Variants in BCAT2 observed in about 807,000 individuals in gnomAD.
The protein encoded by BCAT2 is branched chain amino acid transaminase 2, also known as branched-chain-amino-acid aminotransferase, mitochondrial.
In BCAT2, 44 loss-of-function variants were observed where a neutral mutation model predicts 52.9. The ratio of observed to expected loss-of-function variants is 0.83; its 90% CI spans 0.65 to 1.07. BCAT2 has a LOEUF of 1.07. Among genes scored for constraint, BCAT2 ranks in the 50% least tolerant of loss-of-function variants. The pLI, the probability that BCAT2 is intolerant of heterozygous loss-of-function variation, is 0.00. For missense variants in BCAT2, 478 were observed against 521.8 expected (o/e 0.92, Z 0.82); for synonymous variants, 215 against 217.1 (o/e 0.99, Z 0.08).
In BCAT2 at chr19:48,796,429, TG is replaced by T; in HGVS notation, c.1138del (p.Gln380SerfsTer38). On this transcript the variant is annotated frameshift_variant and splice_region_variant, in exon 10 of 11. Transcript: ENST00000316273. LOFTEE classifies it high-confidence loss of function. Reference sequence around the variant, plus strand: ...ATTCCCCAGCTCCCTGCAGCTCACCTGGATCTCCTTCAGCTCCTTCTGGAAG... The same window carrying T: ...ATTCCCCAGCTCCCTGCAGCTCACCTGATCTCCTTCAGCTCCTTCTGGAAG... ...LRFQKELKEI[Q>X]YGIRAHEWMF... 4 of 1,614,140 alleles carry T rather than the reference TG, an allele frequency of 2.5e-6. No homozygotes were observed. Among genetic ancestry groups the T allele is most frequent in the Non-Finnish European group, 3.4e-6 (4 of 1,180,004 alleles).
intron 2 of BCAT2, 40 bp from the exon 3 acceptor site, chr19:48,806,757 C>T: frequency 2.5e-6 from 4 of 1,604,404 alleles, no homozygotes; most frequent in Non-Finnish European, 3.4e-6. Context: ...TGGCCACAAC[C>T]TCCCAGCTGA....
intron 10 of BCAT2, 55 bp downstream of exon 10, chr19:48,796,373 C>T: frequency 6.2e-7 from 1 of 1,608,274 alleles, no homozygotes; most frequent in South Asian, 1.1e-5. Context: ...TCATGGGACA[C>T]CAACTTCTCC....
Position 48,795,351 on chromosome 19 carries a change from A to AGTCATTG in BCAT2, c.*68_*74dup, listed in dbSNP as rs2034478462. The AGTCATTG allele has an allele frequency of 6.3e-7, 1 of 1,588,046 alleles. No individual in the cohort carries two copies. The highest frequency in any genetic ancestry group is 1.3e-5 in the African/African-American group (1 of 74,276). ...TTTATTTCGTATTGCACTTCAGGTG[A>AGTCATTG]GTCATTGGTAGGGAGGCGAGTGCTG... is the stretch of plus-strand genomic sequence containing the variant. On this transcript the variant is annotated 3_prime_UTR_variant, in exon 11 of 11. Coordinates refer to ENST00000316273, the MANE Select transcript of BCAT2 (RefSeq NM_001190.4).
intron 3 of BCAT2, among the ~76,000 whole-genome samples, 181 bp downstream of exon 3, chr19:48,806,336 G>A (rs1233478800): frequency 1.3e-5 from 2 of 151,670 alleles, no homozygotes. Context: ...TGCTCATCTC[G>A]GGGAACCCAG....
Position 48,800,046 on chromosome 19 carries a change from T to C in BCAT2, c.466A>G (p.Lys156Glu), listed in dbSNP as rs753034699. The C allele has an allele frequency of 3.1e-6, 5 of 1,613,854 alleles. No individual in the cohort carries two copies. The highest frequency in any genetic ancestry group is 1.7e-5 in the Admixed American group (1 of 60,006). The part of the protein sequence containing the change: ...ECIRRLIEVD[K>E]DWVPDAAGTS... ...CCGGCGGCATCGGGGACCCAGTCCT[T>C]GTCCACTTCGATGAGCCGGCGGATG... Residue 156 changes from lysine to glutamate, a missense_variant, in exon 5 of 11, where the codon AAG (lysine) becomes GAG (glutamate). By Grantham distance (56) the Lys-to-Glu change is moderately conservative. Transcript: ENST00000316273.
At position 48,797,331 on chromosome 19, in the gene BCAT2, T is replaced by C; in HGVS notation, c.698A>G (p.Asn233Ser). The change falls in exon 7 of 11, where the codon AAT (asparagine) becomes AGT (serine). Residue 233 changes from asparagine to serine, a missense_variant and splice_region_variant. Coordinates refer to ENST00000316273, the MANE Select transcript of BCAT2 (RefSeq NM_001190.4). ...TTGCACTAACACGGTGGGCCCATAA[T>C]TCCTGGTGGAGGGCAGTCTGGTTGG... is the stretch of plus-strand genomic sequence containing the variant. ...GGVGNYKLGGNYGPTVLVQQE... is the reference protein window; with the variant it reads ...GGVGNYKLGGSYGPTVLVQQE... 1 of 1,614,034 alleles carries C rather than the reference T, an allele frequency of 6.2e-7. No homozygotes were observed. Among genetic ancestry groups the C allele is most frequent in the East Asian group, 2.2e-5 (1 of 44,860 alleles).
chr19:48,798,791 A>ATT (rs34719140), intron 6 of BCAT2: 20,747 of 132,674 alleles, frequency 0.16, 1,837 homozygotes, highest in East Asian at 0.17. Flanking sequence ...AGCCCGGCTA[A>ATT]TTTTTTTTTT....
In BCAT2 at chr19:48,797,006, C is replaced by A. The variant is rs781496167; in HGVS notation, c.855G>T (p.Thr285=). Residue 285 remains threonine (T), a synonymous_variant, in exon 8 of 11, where the codon ACG becomes ACT. Transcript: ENST00000316273. The part of the protein sequence containing the change: ...THEDGVLELV[T]PPLNGVILPG... ...GCAGGATAACACCATTCAGCGGGGG[C>A]GTCACCAGCTCCAGCACTAGGGCAG... 3.1e-6 allele frequency: 5 copies of A among 1,614,024 alleles called. No individual in the cohort carries two copies. The highest frequency in any genetic ancestry group is 3.3e-5 in the Admixed American group (2 of 60,002).
At chr19:48,810,464 G>A (rs2034894235) in intron 1 of BCAT2, among the ~76,000 whole-genome samples, 1 of 152,160 alleles carries the variant, frequency 6.6e-6, no homozygotes, top group Admixed American at 6.5e-5. Flanking sequence ...CAGGTGCAAA[G>A]CTTCAGATAG....
intron 10 of BCAT2, chr19:48,795,768 A>G: frequency 2.2e-6 from 1 of 447,144 alleles, no homozygotes; most frequent in Non-Finnish European, 4.0e-6. Context: ...CTAGGTCCTG[A>G]TGCACAAAAG....
intron 10 of BCAT2, chr19:48,795,872 T>C (rs540105175): frequency 7.9e-5 from 23 of 291,826 alleles, no homozygotes; most frequent in Non-Finnish European, 1.4e-4. Context: ...CCCAGAGATT[T>C]ATGGGATTAA....
In BCAT2 at chr19:48,795,206, G is replaced by A. The variant is rs2034471099; in HGVS notation, c.*220C>T. 3.2e-6 allele frequency: 2 copies of A among 617,432 alleles called. No homozygotes were observed. Among genetic ancestry groups the A allele is most frequent in the Non-Finnish European group, 5.8e-6 (2 of 344,634 alleles). The allele number at this position is 617,432 out of a possible 1,614,324, so 38.2% of individuals were successfully genotyped here. A position where few individuals can be genotyped will look rare whatever the true frequency, so the allele number is the denominator to read the frequency against. On this transcript the variant is annotated 3_prime_UTR_variant, in exon 11 of 11. Coordinates refer to ENST00000316273, the MANE Select transcript of BCAT2 (RefSeq NM_001190.4). ...CCTTGACCGCACGACAAGGAGTAAT[G>A]GGCGGACCTGAACCCGCGACGAGGG...
chr19:48,810,474 G>C (rs1209781023), intron 1 of BCAT2, among the ~76,000 whole-genome samples: 2 of 152,178 alleles, frequency 1.3e-5, no homozygotes, highest in Admixed American at 1.3e-4. Context: ...GCTTCAGATA[G>C]GAGTTTGGGA....
Position 48,796,392 on chromosome 19 carries a change from A to C in BCAT2, c.1140+36T>G. 3 of 1,612,798 alleles carry C rather than the reference A, an allele frequency of 1.9e-6. No individual in the cohort carries two copies. In the East Asian group the frequency reaches 6.7e-5, roughly 36 times the overall value. ...GGGACACCAACTTCTCCAGGGAACA[A>C]GCTCCCAGCCCATTCCCCAGCTCCC... On this transcript the variant is annotated intron_variant, in intron 10 of 10. Coordinates refer to ENST00000316273, the MANE Select transcript of BCAT2 (RefSeq NM_001190.4).
In BCAT2 at chr19:48,797,318, G is replaced by A. The variant is rs780991485; in HGVS notation, c.711C>T (p.Thr237=). ...NYKLGGNYGP[T]VLVQQEALKR... is the part of the protein sequence containing the mutation. ...TGAGTGCCTCCTGTTGCACTAACAC[G>A]GTGGGCCCATAATTCCTGGTGGAGG... The change falls in exon 7 of 11, where the codon ACC becomes ACT. Residue 237 remains threonine, a synonymous_variant. Transcript: ENST00000316273. The A allele has an allele frequency of 6.2e-6, 10 of 1,613,722 alleles. No homozygotes were observed. The highest frequency in any genetic ancestry group is 4.4e-5 in the South Asian group (4 of 91,058).
In BCAT2 at chr19:48,807,386, G is replaced by T; in HGVS notation, c.25-312C>A. The T allele has an allele frequency of 3.5e-6, 1 of 288,966 alleles. No homozygotes were observed. 17.9% of individuals were successfully genotyped at this position (288,966 alleles called of 1,614,324 possible). On this transcript the variant is annotated intron_variant, in intron 1 of 10. Transcript: ENST00000316273. The surrounding 1 kb of genome is among the most constrained non-coding windows in gnomAD (Gnocchi z 4.6). The stretch of plus-strand genomic sequence containing the variant: ...ATCAGCTCAGACAAGAAAACAACCA[G>T]GGAAGGCACACAGGTAAGTGAAGGC...
Position 48,807,933 on chromosome 19 carries a change from T to C in BCAT2, c.25-859A>G, listed in dbSNP as rs1211627424. 6.1e-6 allele frequency: 6 copies of C among 985,722 alleles called. No homozygotes were observed. In the East Asian group the frequency reaches 6.7e-4, roughly 111 times the overall value. 61.1% of individuals were successfully genotyped at this position (985,722 alleles called of 1,614,324 possible). On this transcript the variant is annotated intron_variant, in intron 1 of 10. Coordinates refer to ENST00000316273, the MANE Select transcript of BCAT2 (RefSeq NM_001190.4). This position sits in a 1 kb window ranked among gnomAD's most constrained non-coding sequence, Gnocchi z 4.6. ...TGTGTCCAGCAGGCTGGGCCCTCTC[T>C]GGTGACCTTTGACCTCACAAGGCCT...
At chr19:48,806,487 G>A (rs968538707) in intron 3 of BCAT2, 30 bp downstream of exon 3, 1 of 1,611,790 alleles carries the variant, frequency 6.2e-7, no homozygotes, top group Non-Finnish European at 8.5e-7. Flanking sequence ...TGCAGACAGG[G>A]ACAGGGAGAG....
Position 48,796,446 on chromosome 19 carries a change from CT to C in BCAT2, c.1121del (p.Lys374ArgfsTer3). On this transcript the variant is annotated frameshift_variant, in exon 10 of 11. Coordinates refer to ENST00000316273, the MANE Select transcript of BCAT2 (RefSeq NM_001190.4). LOFTEE classifies it high-confidence loss of function. Reference protein sequence around the residue: ...NGPELILRFQKELKEIQYGIR... With the variant: ...NGPELILRFQXELKEIQYGIR... ...AGCTCACCTGGATCTCCTTCAGCTC[CT>C]TCTGGAAGCGGAGGATCAGCTCAGG... 1 of 1,614,130 alleles carries C rather than the reference CT, an allele frequency of 6.2e-7. No homozygotes were observed. The highest frequency in any genetic ancestry group is 8.5e-7 in the Non-Finnish European group (1 of 1,180,018).
Sources: allele counts gnomAD v4.1 joint callset (sites outside exome capture counted in the v4.1 genomes callset), GRCh38; gene constraint gnomAD v4.1.1; non-coding constraint Gnocchi (gnomAD v3.1); transcripts MANE v1.5; gene names NCBI Gene and HGNC (gene_info 2026-07-23, HGNC 2026-07-21).